ALKAL2: variants seen among roughly 807,000 people sequenced by gnomAD.
ALKAL2 encodes AUG-alpha.
In ALKAL2, 8 loss-of-function variants were observed where a neutral mutation model predicts 18.5. That is an observed-to-expected ratio of 0.43 (90% CI 0.25 to 0.78). The LOEUF (loss-of-function observed/expected upper bound fraction) is 0.78. Among genes scored for constraint, ALKAL2 ranks in the 30% least tolerant of loss-of-function variants. ALKAL2 has a pLI of 0.22. For synonymous variants in ALKAL2, 135 were observed against 95.8 expected (o/e 1.41, Z -2.39); for missense variants, 241 against 211.2 (o/e 1.14, Z -0.88).
In ALKAL2 at chr2:287,575, C is replaced by CCACT; in HGVS notation, c.253+4_253+7dup. ...CCCCGGCCCTCGGGCGCGCTCGGCC[C>CCACT]CACTCACCCACTCGCTGCTCCGGCG... On this transcript the variant is annotated splice_region_variant and intron_variant, in intron 2 of 5. Coordinates refer to ENST00000403610, the MANE Select transcript of ALKAL2 (RefSeq NM_001002919.3). The CCACT allele has an allele frequency of 1.4e-6, 2 of 1,430,178 alleles. No homozygotes were observed. Among genetic ancestry groups the CCACT allele is most frequent in the Non-Finnish European group, 1.8e-6 (2 of 1,097,752 alleles). 88.6% of individuals were successfully genotyped at this position (1,430,178 alleles called of 1,614,324 possible). A position where few individuals can be genotyped will look rare whatever the true frequency, so the allele number is the denominator to read the frequency against.
chr2:284,313 T>C lies in ALKAL2; in HGVS notation c.389-1138A>G, dbSNP rs75777308. 9.0e-4 allele frequency among the ~76,000 whole-genome samples: 137 copies of C among 152,300 alleles called. No homozygotes were observed. In the East Asian group the frequency reaches 0.023, roughly 26 times the overall value. On this transcript the variant is annotated intron_variant, in intron 4 of 5. Transcript: ENST00000403610. ...TCTGGGGATCTTATTAAAATGCAGATTTTGTTCAACAAGTCTAGATGGGAC... is the reference window on the plus strand; with the variant it reads ...TCTGGGGATCTTATTAAAATGCAGACTTTGTTCAACAAGTCTAGATGGGAC...
chr2:281,807 T>A (rs556178461), intron 5 of ALKAL2, among the ~76,000 whole-genome samples: 118 of 151,268 alleles, frequency 7.8e-4, no homozygotes, highest in African/African-American at 2.6e-3. Flanking sequence ...AAAAAAAAAA[T>A]TCTCATCTCC....
intron 5 of ALKAL2, among the ~76,000 whole-genome samples, chr2:280,890 G>A (rs1670318243): frequency 6.6e-6 from 1 of 152,236 alleles, no homozygotes; most frequent in African/African-American, 2.4e-5. Context: ...CTCAGGCTCT[G>A]GGCCTTTCTT....
At position 279,863 on chromosome 2, in the gene ALKAL2, T is replaced by G. The variant is rs1357344949; in HGVS notation, c.*284A>C. 2.6e-6 allele frequency: 1 copy of G among 385,814 alleles called. No homozygotes were observed. The highest frequency in any genetic ancestry group is 4.7e-6 in the Non-Finnish European group (1 of 214,976). 23.9% of individuals were successfully genotyped at this position (385,814 alleles called of 1,614,324 possible). On this transcript the variant is annotated 3_prime_UTR_variant, in exon 6 of 6. Coordinates refer to ENST00000403610, the MANE Select transcript of ALKAL2 (RefSeq NM_001002919.3). The stretch of plus-strand genomic sequence containing the variant: ...TTGCGATTTCACCTAATGAAGACAA[T>G]GAAATATTCTGTGTTTTATAGCACT...
Position 286,148 on chromosome 2 carries a change from G to T in ALKAL2, c.363C>A (p.Asn121Lys). 6.2e-7 allele frequency: 1 copy of T among 1,613,838 alleles called. No individual in the cohort carries two copies. Among genetic ancestry groups the T allele is most frequent in the Non-Finnish European group, 8.5e-7 (1 of 1,179,748 alleles). Residue 121 changes from asparagine (N) to lysine (K), a missense_variant, in exon 4 of 6, where the codon AAC (asparagine) becomes AAA (lysine). Asn to Lys is a moderately conservative substitution (Grantham distance 94). Transcript: ENST00000403610. ...CSKHFHRLYHNTRDCTIPAYY... is the reference protein window; with the variant it reads ...CSKHFHRLYHKTRDCTIPAYY... The stretch of plus-strand genomic sequence containing the variant: ...ATGCAGGAATGGTGCAGTCTCTGGT[G>T]TTGTGATAAAGTCTATGGAAGTGTT...
At chr2:280,576 T>C (rs1223211485) in intron 5 of ALKAL2, among the ~76,000 whole-genome samples, 1 of 152,260 alleles carries the variant, frequency 6.6e-6, no homozygotes, top group Non-Finnish European at 1.5e-5. Flanking sequence ...AAACCATTGG[T>C]ATTCTATTTA....
intron 4 of ALKAL2, among the ~76,000 whole-genome samples, chr2:283,939 C>T (rs1287748812): frequency 1.3e-5 from 2 of 152,088 alleles, no homozygotes; most frequent in South Asian, 2.1e-4. Context: ...CAAATGTGTA[C>T]GATATGTTAG....
chr2:282,979 G>A lies in ALKAL2; in HGVS notation c.453+132C>T, dbSNP rs1318159404. 4 of 950,740 alleles carry A rather than the reference G, an allele frequency of 4.2e-6. No homozygotes were observed. The African/African-American group carries it at 5.0e-5, about 12-fold the overall frequency. The allele number at this position is 950,740 out of a possible 1,614,324, so 58.9% of individuals were successfully genotyped here. On this transcript the variant is annotated intron_variant, in intron 5 of 5. Coordinates refer to ENST00000403610, the MANE Select transcript of ALKAL2 (RefSeq NM_001002919.3). ...CTTTCAGCACTGTGAGATGAGTGTT[G>A]TGCCATCTCTACTTAGAATATGGCT...
At position 283,521 on chromosome 2, in the gene ALKAL2, G is replaced by C. The variant is rs1244602210; in HGVS notation, c.389-346C>G. 3 of 985,318 alleles carry C rather than the reference G, an allele frequency of 3.0e-6. No individual in the cohort carries two copies. The African/African-American group carries it at 5.2e-5, about 17-fold the overall frequency. 61.0% of individuals were successfully genotyped at this position (985,318 alleles called of 1,614,324 possible). On this transcript the variant is annotated intron_variant, in intron 4 of 5. Coordinates refer to ENST00000403610, the MANE Select transcript of ALKAL2 (RefSeq NM_001002919.3). ...CGTGACAATCCTTCCGTACCCTTGT[G>C]CTACTTTCAGGTCATGTGCAGGCTG...
At chr2:286,577 C>T in intron 2 of ALKAL2, 1 of 482,644 alleles carries the variant, frequency 2.1e-6, no homozygotes. Flanking sequence ...AGGATTATGT[C>T]GGCTGTCTAC....
intron 2 of ALKAL2, 160 bp downstream of exon 2, chr2:287,423 C>T (rs1670553872): frequency 1.8e-6 from 1 of 550,338 alleles, no homozygotes; most frequent in African/African-American, 2.1e-5. Flanking sequence ...CATGCGCGGA[C>T]CTATTGCTGC....
intron 4 of ALKAL2, 175 bp from the exon 5 acceptor site, chr2:283,350 T>A (rs1213808937): frequency 2.4e-5 from 24 of 985,318 alleles, no homozygotes; most frequent in Non-Finnish European, 2.9e-5. Context: ...CTTAATAATT[T>A]ATGGTGCTTC....
At chr2:286,073 G>A in intron 4 of ALKAL2, 50 bp downstream of exon 4, 9 of 1,506,904 alleles carry the variant, frequency 6.0e-6, no homozygotes, top group Middle Eastern at 1.8e-4. Flanking sequence ...GAGGGGAACC[G>A]CTGCCTGCAC....
chr2:283,690 C>A (rs1193542774), intron 4 of ALKAL2: 20 of 608,364 alleles, frequency 3.3e-5, no homozygotes, highest in Non-Finnish European at 4.1e-5. Flanking sequence ...CTGGCTGATA[C>A]TCCTTGGTAT....
chr2:280,389 T>G (rs948351511), intron 5 of ALKAL2, among the ~76,000 whole-genome samples: 3 of 152,232 alleles, frequency 2.0e-5, no homozygotes, highest in African/African-American at 4.8e-5. Flanking sequence ...CACAGATACA[T>G]GTGGATGCTT....
In ALKAL2 at chr2:279,931, A is replaced by G. The variant is rs62114550; in HGVS notation, c.*216T>C. ...CATTCCTTTTGTGTTTTTTTTTTAA[A>G]TAAGTGACAGATAACACTGTCAAGT... On this transcript the variant is annotated 3_prime_UTR_variant, in exon 6 of 6. Transcript: ENST00000403610. 25 of 509,622 alleles carry G rather than the reference A, an allele frequency of 4.9e-5. No homozygotes were observed. Among genetic ancestry groups the G allele is most frequent in the Non-Finnish European group, 8.1e-5 (23 of 282,288 alleles). 31.6% of individuals were successfully genotyped at this position (509,622 alleles called of 1,614,324 possible).
chr2:283,439 C>G, intron 4 of ALKAL2: 1 of 985,394 alleles, frequency 1.0e-6, no homozygotes, highest in Non-Finnish European at 1.2e-6. Flanking sequence ...ACGAAGGCTG[C>G]ATGGCTGAGC....
intron 5 of ALKAL2, among the ~76,000 whole-genome samples, chr2:281,682 G>A (rs890836888): frequency 1.3e-5 from 2 of 152,088 alleles, no homozygotes; most frequent in Admixed American, 1.3e-4. Flanking sequence ...TCTTCCAGTG[G>A]CTGAGACAGT....
intron 5 of ALKAL2, among the ~76,000 whole-genome samples, chr2:282,431 A>G (rs1261732980): frequency 1.3e-5 from 2 of 152,374 alleles, no homozygotes; most frequent in African/African-American, 4.8e-5. Context: ...TAAGTATAAA[A>G]TTGGTGAAAT....
Sources: allele counts gnomAD v4.1 joint callset (sites outside exome capture counted in the v4.1 genomes callset), GRCh38; gene constraint gnomAD v4.1.1; transcripts MANE v1.5; gene names NCBI Gene and HGNC (gene_info 2026-07-23, HGNC 2026-07-21).